Variants in FGGY observed in about 807,000 individuals in gnomAD.
FGGY encodes the protein FGGY carbohydrate kinase domain-containing protein.
FGGY carries 72 observed loss-of-function variants against 71.3 expected under a neutral mutation model. That is an observed-to-expected ratio of 1.01 (90% CI 0.84 to 1.23). FGGY has a LOEUF of 1.23. Ranked by LOEUF, FGGY falls within the 50% of genes most tolerant of loss-of-function variation. The pLI is 0.00. For missense variants in FGGY, 668 were observed against 682.3 expected (o/e 0.98, Z 0.23); for synonymous variants, 251 against 250.3 (o/e 1.00, Z -0.02).
At chr1:59,309,015 A>AT (rs201943040) in intron 1 of FGGY, among the ~76,000 whole-genome samples, 1,859 of 151,976 alleles carry the variant, frequency 0.012, 19 homozygotes, top group Non-Finnish European at 0.02. Flanking sequence ...GTTGTGGTGG[A>AT]TTTTTTTTGT....
chr1:59,432,356 G>T (rs1473705504), intron 5 of FGGY, among the ~76,000 whole-genome samples: 1 of 152,180 alleles, frequency 6.6e-6, no homozygotes, highest in East Asian at 1.9e-4. Context: ...AGGGGGTTAT[G>T]GGAACCTCCA....
chr1:59,465,519 A>G (rs552394261), intron 6 of FGGY, among the ~76,000 whole-genome samples: 1 of 152,294 alleles, frequency 6.6e-6, no homozygotes, highest in East Asian at 1.9e-4. Context: ...CAGTCAGGCA[A>G]GAGAAAGAAA....
At chr1:59,410,439 GA>G (rs1283367265) in intron 5 of FGGY, among the ~76,000 whole-genome samples, 11 of 152,280 alleles carry the variant, frequency 7.2e-5, no homozygotes, top group Admixed American at 1.3e-4. Flanking sequence ...GTGGAGGAGT[GA>G]GGATTTGAAC....
intron 10 of FGGY, among the ~76,000 whole-genome samples, chr1:59,636,675 T>C (rs950431642): frequency 6.6e-6 from 1 of 151,888 alleles, no homozygotes; most frequent in Admixed American, 6.6e-5. Context: ...TACTGGTAAA[T>C]GGGGAAAAAA....
chr1:59,554,243 A>G lies in FGGY; in HGVS notation c.903+16A>G. On this transcript the variant is annotated intron_variant, in intron 8 of 15. Coordinates refer to ENST00000303721, the MANE Select transcript of FGGY (RefSeq NM_018291.5). ...TCACATGGGGGTGAGTCCACTGAGC[A>G]CAAAGGCAAGGCCACCACACAGCAG... The G allele has an allele frequency of 6.2e-7, 1 of 1,604,298 alleles. No individual in the cohort carries two copies. Among genetic ancestry groups the G allele is most frequent in the Non-Finnish European group, 8.5e-7 (1 of 1,172,262 alleles).
chr1:59,299,347 A>G (rs2042414797), intron 1 of FGGY, among the ~76,000 whole-genome samples: 1 of 152,194 alleles, frequency 6.6e-6, no homozygotes, highest in African/African-American at 2.4e-5. Context: ...CTGGTGAATC[A>G]TCTTAGGGGA....
intron 10 of FGGY, among the ~76,000 whole-genome samples, chr1:59,627,489 TACACACACACACACACACACAGCTGG>T (rs2096870436): frequency 4.3e-5 from 4 of 92,782 alleles, no homozygotes; most frequent in African/African-American, 1.0e-4. Context: ...TATATATATA[TACACACACACACACACACACAGCTGG>T]ATATAAATAT....
chr1:59,432,155 G>A (rs549505719), intron 5 of FGGY, among the ~76,000 whole-genome samples: 1 of 152,156 alleles, frequency 6.6e-6, no homozygotes, highest in African/African-American at 2.4e-5. Context: ...GAGCTCCCGG[G>A]TTGGTGAACA....
At position 59,663,132 on chromosome 1, in the gene FGGY, C is replaced by T. The variant is rs562846320; in HGVS notation, c.1296+2839C>T. Among the ~76,000 whole-genome samples, 23 of 152,280 alleles carry T rather than the reference C, an allele frequency of 1.5e-4. 1 individual carries two copies. In the South Asian group the frequency reaches 4.6e-3, roughly 30 times the overall value. On this transcript the variant is annotated intron_variant, in intron 12 of 15. Transcript: ENST00000303721. ...ACGACTGTGTGCCAGGCACCAAAGACGGTGCCTTGCCTACTGGTAGCTTAA... is the reference window on the plus strand; with the variant it reads ...ACGACTGTGTGCCAGGCACCAAAGATGGTGCCTTGCCTACTGGTAGCTTAA...
At chr1:59,469,133 G>A (rs1198496470) in intron 6 of FGGY, among the ~76,000 whole-genome samples, 1 of 152,228 alleles carries the variant, frequency 6.6e-6, no homozygotes, top group Non-Finnish European at 1.5e-5. Flanking sequence ...ATACTTGCCT[G>A]AAGCAAGCTG....
chr1:59,507,222 A>C (rs1326928093), intron 6 of FGGY, among the ~76,000 whole-genome samples: 1 of 152,206 alleles, frequency 6.6e-6, no homozygotes, highest in Non-Finnish European at 1.5e-5. Flanking sequence ...GAGTTTGAAC[A>C]GTTGGCCGCC....
chr1:59,617,406 A>AT (rs2096766944), intron 9 of FGGY, among the ~76,000 whole-genome samples: 1 of 152,114 alleles, frequency 6.6e-6, no homozygotes, highest in Non-Finnish European at 1.5e-5. Flanking sequence ...ATAGATTTGT[A>AT]TTTTTAAAAA....
intron 7 of FGGY, among the ~76,000 whole-genome samples, chr1:59,528,808 T>C (rs1484789630): frequency 1.3e-5 from 2 of 152,200 alleles, no homozygotes; most frequent in Non-Finnish European, 2.9e-5. Flanking sequence ...GCAATTGGAT[T>C]TTGTGAAATA....
chr1:59,406,027 T>C (rs2062683455), intron 5 of FGGY, among the ~76,000 whole-genome samples: 1 of 151,310 alleles, frequency 6.6e-6, no homozygotes, highest in African/African-American at 2.4e-5. Context: ...AAGACAAAAA[T>C]GTAGTGAAAC....
chr1:59,392,408 G>A (rs2060804439), intron 5 of FGGY, among the ~76,000 whole-genome samples: 1 of 152,116 alleles, frequency 6.6e-6, no homozygotes. Context: ...CGTAAGACTC[G>A]TGTCTGGTCC....
chr1:59,485,409 C>T (rs988367758), intron 6 of FGGY, among the ~76,000 whole-genome samples: 3 of 152,150 alleles, frequency 2.0e-5, no homozygotes, highest in African/African-American at 7.2e-5. Context: ...CTTTCCCTCC[C>T]CTGGGTCAGG....
At chr1:59,619,684 G>A (rs2096789881) in intron 9 of FGGY, among the ~76,000 whole-genome samples, 1 of 152,004 alleles carries the variant, frequency 6.6e-6, no homozygotes, top group South Asian at 2.1e-4. Context: ...CTACATTATT[G>A]GCCACAGTAA....
intron 4 of FGGY, among the ~76,000 whole-genome samples, chr1:59,348,491 G>T (rs957712161): frequency 6.6e-6 from 1 of 152,178 alleles, no homozygotes; most frequent in African/African-American, 2.4e-5. Context: ...AGAGATGGAT[G>T]TGTGAGAAAG....
At chr1:59,541,431 G>C (rs192092219) in intron 7 of FGGY, among the ~76,000 whole-genome samples, 134 of 152,218 alleles carry the variant, frequency 8.8e-4, no homozygotes, top group African/African-American at 3.2e-3. Context: ...TGCCAGGCCT[G>C]TACAGAGCTG....
Sources: allele counts gnomAD v4.1 joint callset (sites outside exome capture counted in the v4.1 genomes callset), GRCh38; gene constraint gnomAD v4.1.1; transcripts MANE v1.5; gene names NCBI Gene and HGNC (gene_info 2026-07-23, HGNC 2026-07-21).